Variants in FIG4 observed in about 807,000 individuals in gnomAD.
FIG4 encodes the protein polyphosphoinositide phosphatase.
In FIG4, 112 loss-of-function variants were observed where a neutral mutation model predicts 118.6. The ratio of observed to expected loss-of-function variants is 0.94; its 90% CI spans 0.81 to 1.11. The LOEUF (loss-of-function observed/expected upper bound fraction) is 1.11, where lower values mean the gene tolerates loss of function less well. Among genes scored for constraint, FIG4 ranks in the 50% least tolerant of loss-of-function variants. FIG4 has a pLI of 0.00. For missense variants in FIG4, 969 were observed against 1,111.7 expected, an observed-to-expected ratio of 0.87 and a Z score of 1.83; for synonymous variants, 369 against 381.2, an observed-to-expected ratio of 0.97 and a Z score of 0.37.
Position 109,786,415 on chromosome 6 carries a change from G to A in FIG4, c.2062G>A (p.Asp688Asn). 6.2e-7 allele frequency: 1 copy of A among 1,613,998 alleles called. No homozygotes were observed. ...FRPYELSSFD[D>N]TFCLAMTSSA... is the part of the protein sequence containing the mutation. ...GCCATATGAGTTGAGCAGCTTTGATGATACCTTTTGCTTGGCTATGACAAG... is the reference window on the plus strand; with the variant it reads ...GCCATATGAGTTGAGCAGCTTTGATAATACCTTTTGCTTGGCTATGACAAG... The change falls in exon 18 of 23, where the codon GAT becomes AAT. Residue 688 changes from aspartate (D) to asparagine (N), a missense_variant. By Grantham distance (23) the Asp-to-Asn change is conservative. Around this residue, in one of 3 missense-constraint regions of FIG4, gnomAD observed 330 missense variants for 348.1 expected, o/e 0.95. Coordinates refer to ENST00000230124, the MANE Select transcript of FIG4 (RefSeq NM_014845.6).
chr6:109,693,261 A>T (rs1188341445), intron 1 of FIG4, among the ~76,000 whole-genome samples: 1 of 152,196 alleles, frequency 6.6e-6, no homozygotes, highest in Non-Finnish European at 1.5e-5. Context: ...CATATGCCTT[A>T]TTCTGCAGTA....
intron 6 of FIG4, among the ~76,000 whole-genome samples, chr6:109,736,817 G>A (rs1776172109): frequency 6.6e-6 from 1 of 152,082 alleles, no homozygotes; most frequent in Non-Finnish European, 1.5e-5. Flanking sequence ...GGATCTCAGT[G>A]AGCCAAAATT....
At position 109,785,959 on chromosome 6, in the gene FIG4, A is replaced by G. The variant is rs1248630162; in HGVS notation, c.1949-343A>G. 2.2e-5 allele frequency: 7 copies of G among 321,338 alleles called. No individual in the cohort carries two copies. The East Asian group carries it at 3.7e-4, about 17-fold the overall frequency. The allele number at this position is 321,338 out of a possible 1,614,324, so 19.9% of individuals were successfully genotyped here. On this transcript the variant is annotated intron_variant, in intron 17 of 22. Coordinates refer to ENST00000230124, the MANE Select transcript of FIG4 (RefSeq NM_014845.6). ...TTGAAATATAAAGGGAAACTTAGGG[A>G]AAAAGCTGTACAATTTTTAGCTAAA...
At chr6:109,767,579 A>G (rs1264342396) in intron 15 of FIG4, among the ~76,000 whole-genome samples, 1 of 152,198 alleles carries the variant, frequency 6.6e-6, no homozygotes, top group East Asian at 1.9e-4. Context: ...ATTAGTAAAG[A>G]GGTCCTTGGG....
chr6:109,810,899 G>A lies in FIG4; in HGVS notation c.2546+14048G>A, dbSNP rs190729101. 1.4e-3 allele frequency among the ~76,000 whole-genome samples: 208 copies of A among 152,320 alleles called. 1 individual carries two copies. The highest frequency in any genetic ancestry group is 6.8e-3 in the Middle Eastern group (2 of 294). ...CCCTCAGTATCAGAAAGAGTATGAG[G>A]CAGAGAACCAGGCTGGTCAGAGAAC... On this transcript the variant is annotated intron_variant, in intron 22 of 22. Transcript: ENST00000230124.
chr6:109,700,301 C>T (rs554585878), intron 1 of FIG4, among the ~76,000 whole-genome samples: 68 of 152,042 alleles, frequency 4.5e-4, no homozygotes, highest in Admixed American at 1.3e-3. Flanking sequence ...GTCTTAGTAG[C>T]CTGAACAACA....
At chr6:109,740,970 A>G (rs547598791) in intron 7 of FIG4, among the ~76,000 whole-genome samples, 1 of 152,244 alleles carries the variant, frequency 6.6e-6, no homozygotes, top group South Asian at 2.1e-4. Flanking sequence ...ACACACTTGC[A>G]AACAACCAGA....
intron 15 of FIG4, among the ~76,000 whole-genome samples, chr6:109,767,251 A>G (rs1460359894): frequency 6.6e-6 from 1 of 152,184 alleles, no homozygotes; most frequent in African/African-American, 2.4e-5. Flanking sequence ...AGTCTCGACA[A>G]TTGTCTAAGA....
chr6:109,715,015 GGTATAAAATGT>G (rs1173102717), intron 1 of FIG4, 52 bp from the exon 2 acceptor site: 16 of 845,692 alleles, frequency 1.9e-5, no homozygotes, highest in Non-Finnish European at 3.2e-5. Flanking sequence ...AAACTAAAGT[GGTATAAAATGT>G]GTATAGGGCA....
At chr6:109,702,211 G>GT (rs1437642275) in intron 1 of FIG4, among the ~76,000 whole-genome samples, 1 of 152,190 alleles carries the variant, frequency 6.6e-6, no homozygotes, top group African/African-American at 2.4e-5. Flanking sequence ...CAGATGAAAA[G>GT]TGAGTGATTA....
chr6:109,796,782 A>G lies in FIG4; in HGVS notation c.2477A>G (p.Gln826Arg). The G allele has an allele frequency of 6.2e-7, 1 of 1,610,304 alleles. No individual in the cohort carries two copies. Among genetic ancestry groups the G allele is most frequent in the Non-Finnish European group, 8.5e-7 (1 of 1,176,492 alleles). ...ATTTGTAGATTTGTTCAGCTGGGGC[A>G]GAGTCAACATAAACAAGACAAGAAT... is the stretch of plus-strand genomic sequence containing the variant. The part of the protein sequence containing the change: ...SIYSRFVQLG[Q>R]SQHKQDKNSQ... The change falls in exon 22 of 23, where the codon CAG becomes CGG. Residue 826 changes from glutamine to arginine, a missense_variant. Physicochemically the swap from Gln to Arg is conservative, Grantham distance 43. Transcript: ENST00000230124.
chr6:109,734,521 A>G (rs996982940), intron 5 of FIG4, among the ~76,000 whole-genome samples: 3 of 151,194 alleles, frequency 2.0e-5, no homozygotes, highest in African/African-American at 7.3e-5. Flanking sequence ...ATCTCTAGCT[A>G]TATATATAAA....
chr6:109,727,036 G>A, intron 3 of FIG4, 73 bp from the exon 4 acceptor site: 1 of 1,112,886 alleles, frequency 9.0e-7, no homozygotes, highest in Non-Finnish European at 1.4e-6. Flanking sequence ...AAGGTCTTTG[G>A]CCTTTTAAAT....
At position 109,776,846 on chromosome 6, in the gene FIG4, C is replaced by T. The variant is rs1158776905; in HGVS notation, c.1751-76C>T. On this transcript the variant is annotated intron_variant, in intron 15 of 22. Transcript: ENST00000230124. ...ATAAATACTACTTTTGTACCACTAT[C>T]CTCCTAAGAAAATATTCTCTTGAGT... The T allele has an allele frequency of 6.8e-6, 8 of 1,183,002 alleles. No individual in the cohort carries two copies. In the Admixed American group the frequency reaches 1.2e-4, roughly 18 times the overall value. 73.3% of individuals were successfully genotyped at this position (1,183,002 alleles called of 1,614,324 possible). A position where few individuals can be genotyped will look rare whatever the true frequency, so the allele number is the denominator to read the frequency against.
chr6:109,693,543 A>T (rs1037568830), intron 1 of FIG4, among the ~76,000 whole-genome samples: 1 of 152,212 alleles, frequency 6.6e-6, no homozygotes, highest in Non-Finnish European at 1.5e-5. Context: ...GACAAAAGGT[A>T]AATTTATCAG....
chr6:109,738,559 C>A, intron 7 of FIG4, 106 bp downstream of exon 7: 1 of 1,094,846 alleles, frequency 9.1e-7, no homozygotes, highest in Non-Finnish European at 1.4e-6. Context: ...ACTCTGTGCA[C>A]CCCAACAGGA....
intron 21 of FIG4, among the ~76,000 whole-genome samples, chr6:109,795,628 GTCTC>G (rs1474413937): frequency 4.9e-5 from 4 of 81,806 alleles, no homozygotes; most frequent in Admixed American, 3.8e-4. Flanking sequence ...TTTTGAGACA[GTCTC>G]TCTCTGTCAC....
chr6:109,750,473 AT>A (rs556248384), intron 10 of FIG4, among the ~76,000 whole-genome samples: 33 of 149,234 alleles, frequency 2.2e-4, no homozygotes, highest in Non-Finnish European at 3.0e-4. Flanking sequence ...TCTCTACAAA[AT>A]TTTTTTTTTT....
chr6:109,762,323 A>C (rs1176977559), intron 12 of FIG4, 116 bp downstream of exon 12: 6 of 707,476 alleles, frequency 8.5e-6, no homozygotes, highest in Non-Finnish European at 1.3e-5. Flanking sequence ...GGGGGGAGGC[A>C]CACTGCTCAC....
Sources: allele counts gnomAD v4.1 joint callset (sites outside exome capture counted in the v4.1 genomes callset), GRCh38; gene constraint gnomAD v4.1.1; regional missense constraint gnomAD v4.1.1; transcripts MANE v1.5; gene names NCBI Gene and HGNC (gene_info 2026-07-23, HGNC 2026-07-21).